The following CBFB variants were observed in gnomAD, a reference collection of about 807,000 sequenced individuals.
The protein encoded by CBFB is core-binding factor subunit beta.
In CBFB, 9 loss-of-function variants were observed where a neutral mutation model predicts 30.4. The observed-to-expected ratio is 0.30, with a 90% CI of 0.18 to 0.52. CBFB has a LOEUF of 0.52. Ranked by LOEUF, CBFB falls within the 20% of genes least tolerant of loss-of-function variation. The pLI is 0.97. For missense variants in CBFB, 170 were observed against 244.0 expected (o/e 0.70, Z 2.02); for synonymous variants, 94 against 84.0 (o/e 1.12, Z -0.65).
intron 3 of CBFB, among the ~76,000 whole-genome samples, chr16:67,039,599 C>T (rs977769791): frequency 3.9e-5 from 6 of 151,998 alleles, no homozygotes; most frequent in African/African-American, 9.7e-5. Flanking sequence ...TAGGCTGTAA[C>T]GTTGTTAAAG....
intron 3 of CBFB, among the ~76,000 whole-genome samples, chr16:67,037,944 T>C (rs1435493417): frequency 6.6e-6 from 1 of 152,074 alleles, no homozygotes; most frequent in Non-Finnish European, 1.5e-5. Flanking sequence ...GGTGGGATTA[T>C]AGGAGTGAGC....
At chr16:67,066,901 G>A (rs898587341) in intron 4 of CBFB, 103 bp downstream of exon 4, 1 of 630,856 alleles carries the variant, frequency 1.6e-6, no homozygotes, top group African/African-American at 1.8e-5. Flanking sequence ...AGTATAGAAA[G>A]TATTGTGTTG....
intron 4 of CBFB, among the ~76,000 whole-genome samples, chr16:67,072,546 A>T (rs1961255990): frequency 6.6e-6 from 1 of 151,074 alleles, no homozygotes; most frequent in Non-Finnish European, 1.5e-5. Context: ...GGCTCACCTC[A>T]ACCTCCGCCT....
At chr16:67,048,613 T>C (rs1335315801) in intron 3 of CBFB, among the ~76,000 whole-genome samples, 1 of 152,068 alleles carries the variant, frequency 6.6e-6, no homozygotes, top group African/African-American at 2.4e-5. Flanking sequence ...TGCAGTGGCA[T>C]GATCTCAGCT....
intron 3 of CBFB, among the ~76,000 whole-genome samples, chr16:67,064,215 A>G (rs192099870): frequency 2.6e-5 from 4 of 152,126 alleles, no homozygotes; most frequent in East Asian, 1.9e-4. Context: ...TTGTTTGTTT[A>G]TTTGTTTTTG....
chr16:67,057,901 T>C (rs191358050), intron 3 of CBFB, among the ~76,000 whole-genome samples: 48 of 152,312 alleles, frequency 3.2e-4, no homozygotes, highest in Admixed American at 4.6e-4. Flanking sequence ...TATTTATTGG[T>C]TGTGTTGTAT....
chr16:67,078,018 T>G (rs375685465), intron 4 of CBFB, among the ~76,000 whole-genome samples: 1 of 152,232 alleles, frequency 6.6e-6, no homozygotes, highest in East Asian at 1.9e-4. Context: ...ATTGAAAACC[T>G]TATCCTACCC....
chr16:67,079,515 CTTT>C lies in CBFB; in HGVS notation c.400-2677_400-2675del, dbSNP rs34164177. Among the ~76,000 whole-genome samples, 431 of 98,666 alleles carry C rather than the reference CTTT, an allele frequency of 4.4e-3. 3 individuals carry two copies. The highest frequency in any genetic ancestry group is 0.015 in the African/African-American group (398 of 26,952). The allele number at this position is 98,666 out of a possible 152,430, so 64.7% of individuals were successfully genotyped here. On this transcript the variant is annotated intron_variant, in intron 4 of 5. Transcript: ENST00000412916. Reference sequence around the variant, plus strand: ...AATTATGTTATCAGAGGCCCTGGGTCTTTTTTTTTTTTTTTTTTTTTTTGACCC... The same window carrying C: ...AATTATGTTATCAGAGGCCCTGGGTCTTTTTTTTTTTTTTTTTTTTGACCC...
intron 2 of CBFB, among the ~76,000 whole-genome samples, chr16:67,030,369 C>T (rs1405954629): frequency 6.6e-6 from 1 of 151,944 alleles, no homozygotes; most frequent in African/African-American, 2.4e-5. Flanking sequence ...AGAAAGAAAC[C>T]ATTATCCCCA....
At chr16:67,050,182 TG>T (rs1351244239) in intron 3 of CBFB, among the ~76,000 whole-genome samples, 1 of 148,056 alleles carries the variant, frequency 6.8e-6, no homozygotes, top group Non-Finnish European at 1.5e-5. Flanking sequence ...ATAAATTATA[TG>T]TGATATATAT....
In CBFB at chr16:67,059,643, C is replaced by T. The variant is rs904784380; in HGVS notation, c.283-7039C>T. ...GGGGCCTGTAACAACCTTTAGCCTG[C>T]GTTCCTTCAGGTTTCTTCACTGGCT... On this transcript the variant is annotated intron_variant, in intron 3 of 5. Coordinates refer to ENST00000412916, the MANE Select transcript of CBFB (RefSeq NM_022845.3). Among the ~76,000 whole-genome samples the T allele has an allele frequency of 3.9e-5, 6 of 152,302 alleles. No homozygotes were observed. In the South Asian group the frequency reaches 6.2e-4, roughly 16 times the overall value.
chr16:67,050,105 TTA>T (rs1171632670), intron 3 of CBFB, among the ~76,000 whole-genome samples: 2 of 150,460 alleles, frequency 1.3e-5, no homozygotes, highest in Admixed American at 6.7e-5. Context: ...TTCCAAAGCC[TTA>T]TTTAGAGTTA....
intron 4 of CBFB, among the ~76,000 whole-genome samples, chr16:67,075,775 T>C (rs977299733): frequency 6.6e-6 from 1 of 152,204 alleles, no homozygotes; most frequent in Non-Finnish European, 1.5e-5. Flanking sequence ...AATGAAAAGC[T>C]ACAACTAACA....
chr16:67,083,062 T>G (rs1288074718), intron 5 of CBFB, among the ~76,000 whole-genome samples: 2 of 152,120 alleles, frequency 1.3e-5, no homozygotes, highest in African/African-American at 4.8e-5. Context: ...GCCTGTAGCT[T>G]TAGTCACTTG....
intron 3 of CBFB, among the ~76,000 whole-genome samples, chr16:67,060,455 T>G (rs770555314): frequency 2.0e-5 from 3 of 152,224 alleles, no homozygotes; most frequent in Non-Finnish European, 4.4e-5. Flanking sequence ...ACTCCTCATT[T>G]GCCACTCCCC....
intron 4 of CBFB, among the ~76,000 whole-genome samples, chr16:67,068,137 T>C (rs928827534): frequency 6.6e-6 from 1 of 152,222 alleles, no homozygotes; most frequent in Non-Finnish European, 1.5e-5. Flanking sequence ...AGTCATTGGC[T>C]GACGGCTGAA....
chr16:67,058,323 T>C (rs1960790191), intron 3 of CBFB, among the ~76,000 whole-genome samples: 1 of 152,190 alleles, frequency 6.6e-6, no homozygotes, highest in African/African-American at 2.4e-5. Flanking sequence ...GTATTTTTAG[T>C]ATTGATTGGA....
chr16:67,094,115 C>T (rs935179461), intron 5 of CBFB, among the ~76,000 whole-genome samples: 3 of 147,420 alleles, frequency 2.0e-5, no homozygotes, highest in Non-Finnish European at 4.4e-5. Context: ...GACTTCCTCC[C>T]TCTTTTTTTT....
chr16:67,057,855 C>T (rs1372559007), intron 3 of CBFB, among the ~76,000 whole-genome samples: 1 of 151,876 alleles, frequency 6.6e-6, no homozygotes, highest in Non-Finnish European at 1.5e-5. Context: ...GGTTTTGTTC[C>T]ATTAAGTTGT....
Sources: gnomAD v4.1 joint callset for allele counts (sites outside exome capture counted in the v4.1 genomes callset) on GRCh38, gnomAD v4.1.1 for gene constraint, MANE v1.5 for transcripts, NCBI Gene and HGNC (gene_info 2026-07-23, HGNC 2026-07-21) for gene names.